ANKS1B: variants seen among roughly 807,000 people sequenced by gnomAD.
The protein encoded by ANKS1B is ankyrin repeat and sterile alpha motif domain containing 1B.
In ANKS1B, 36 loss-of-function variants were observed where a neutral mutation model predicts 148.3. That is an observed-to-expected ratio of 0.24 (90% confidence interval 0.19 to 0.32). The LOEUF (loss-of-function observed/expected upper bound fraction) is 0.32, where lower values mean the gene tolerates loss of function less well. ANKS1B is among the 10% of genes least tolerant of loss of function. The probability of loss-of-function intolerance (pLI) is 1.00; values close to 1 mark genes in which losing one functional copy is unlikely to be tolerated. For synonymous variants in ANKS1B, 542 were observed against 560.8 expected (o/e 0.97, Z 0.47); for missense variants, 1,157 against 1,542.6 (o/e 0.75, Z 4.19).
intron 17 of ANKS1B, among the ~76,000 whole-genome samples, chr12:98,907,296 A>G (rs992506598): frequency 6.6e-6 from 1 of 152,188 alleles, no homozygotes; most frequent in African/African-American, 2.4e-5. Flanking sequence ...TGTAATTCCA[A>G]ATAACTTTAA....
At chr12:99,649,308 T>G in intron 9 of ANKS1B, 1 of 1,614,118 alleles carries the variant, frequency 6.2e-7, no homozygotes, top group Non-Finnish European at 8.5e-7. Context: ...TGAAGTTTTG[T>G]GAAGAGAAGG....
At chr12:99,213,585 G>A (rs570220113) in intron 14 of ANKS1B, among the ~76,000 whole-genome samples, 3 of 152,340 alleles carry the variant, frequency 2.0e-5, no homozygotes, top group African/African-American at 7.2e-5. Flanking sequence ...ATGGGGATGT[G>A]TATATGGAGA....
At chr12:99,419,376 A>C (rs2095014761) in intron 11 of ANKS1B, among the ~76,000 whole-genome samples, 1 of 152,170 alleles carries the variant, frequency 6.6e-6, no homozygotes, top group African/African-American at 2.4e-5. Context: ...TAAGTTGTCA[A>C]ATTTATGTAT....
At chr12:99,349,505 T>TA (rs949625899) in intron 12 of ANKS1B, among the ~76,000 whole-genome samples, 1 of 150,622 alleles carries the variant, frequency 6.6e-6, no homozygotes, top group Non-Finnish European at 1.5e-5. Flanking sequence ...ATGCAAAGAG[T>TA]AAAAAAAGAA....
chr12:99,902,322 C>T lies in ANKS1B; in HGVS notation c.135-76933G>A, dbSNP rs148264759. On this transcript the variant is annotated intron_variant, in intron 1 of 26. Coordinates refer to ENST00000683438, the MANE Select transcript of ANKS1B (RefSeq NM_001352186.2). Reference sequence around the variant, plus strand: ...AAGAAAAGAGCTTGGCACAAAAGGACATCTAGATAACTGAAGCATGGCAAG... The same window carrying T: ...AAGAAAAGAGCTTGGCACAAAAGGATATCTAGATAACTGAAGCATGGCAAG... 4.3e-4 allele frequency among the ~76,000 whole-genome samples: 65 copies of T among 152,184 alleles called. 1 individual carries two copies. Among genetic ancestry groups the T allele is most frequent in the African/African-American group, 1.4e-3 (59 of 41,526 alleles).
intron 12 of ANKS1B, among the ~76,000 whole-genome samples, chr12:99,304,794 A>C (rs2082131960): frequency 6.6e-6 from 1 of 151,994 alleles, no homozygotes; most frequent in Admixed American, 6.6e-5. Context: ...AGTCCATTGT[A>C]ATTTGTTCAT....
chr12:98,930,775 CT>C (rs1209976775), intron 17 of ANKS1B, among the ~76,000 whole-genome samples: 1 of 151,754 alleles, frequency 6.6e-6, no homozygotes, highest in Non-Finnish European at 1.5e-5. Context: ...TATGGGGTGT[CT>C]TTTGGGGATG....
intron 15 of ANKS1B, among the ~76,000 whole-genome samples, chr12:99,145,791 A>G (rs142915463): frequency 2.6e-4 from 40 of 152,136 alleles, no homozygotes; most frequent in African/African-American, 8.4e-4. Flanking sequence ...TACTGAATTA[A>G]GCAGGGACTT....
intron 14 of ANKS1B, among the ~76,000 whole-genome samples, chr12:99,197,892 T>A (rs545428637): frequency 1.3e-5 from 2 of 152,288 alleles, no homozygotes; most frequent in South Asian, 4.1e-4. Flanking sequence ...AAGTCTATGG[T>A]AATTTGTCAC....
At chr12:99,308,710 T>C (rs1602670301) in intron 12 of ANKS1B, among the ~76,000 whole-genome samples, 1 of 151,844 alleles carries the variant, frequency 6.6e-6, no homozygotes, top group African/African-American at 2.4e-5. Context: ...ATGAATAACA[T>C]CTCTATGATA....
At chr12:99,481,983 G>T (rs1321707014) in intron 10 of ANKS1B, among the ~76,000 whole-genome samples, 1 of 151,922 alleles carries the variant, frequency 6.6e-6, no homozygotes, top group Non-Finnish European at 1.5e-5. Flanking sequence ...TCTGTGGGTT[G>T]ACTGTTTACT....
chr12:99,494,732 CAAA>C (rs59115173), intron 10 of ANKS1B, among the ~76,000 whole-genome samples: 135 of 55,970 alleles, frequency 2.4e-3, no homozygotes, highest in Admixed American at 3.4e-3. Context: ...CACTCTGTCT[CAAA>C]AAAAAAAAAA....
intron 9 of ANKS1B, among the ~76,000 whole-genome samples, chr12:99,600,559 G>A (rs894391856): frequency 6.6e-5 from 10 of 152,126 alleles, no homozygotes; most frequent in East Asian, 3.9e-4. Flanking sequence ...AGGTGCTTCC[G>A]TGGTCATCAA....
At position 99,679,139 on chromosome 12, in the gene ANKS1B, T is replaced by C. The variant is rs185129978; in HGVS notation, c.1129-23929A>G. 4.2e-3 allele frequency among the ~76,000 whole-genome samples: 640 copies of C among 152,284 alleles called. 3 individuals are homozygous for C. The highest frequency in any genetic ancestry group is 0.014 in the African/African-American group (567 of 41,562). The stretch of plus-strand genomic sequence containing the variant: ...ATAGGTATCAAGTACAGATTAAACA[T>C]TTGTAAGTTGGTGAATAATGGGATA... On this transcript the variant is annotated intron_variant, in intron 8 of 26. Transcript: ENST00000683438.
intron 26 of ANKS1B, among the ~76,000 whole-genome samples, chr12:98,748,043 T>A (rs61933560): frequency 0.11 from 16,344 of 152,204 alleles, 1,085 homozygotes; most frequent in South Asian, 0.21. Flanking sequence ...GATAGCACAG[T>A]AGGGTGACTG....
At chr12:98,842,684 C>G (rs895868786) in intron 17 of ANKS1B, among the ~76,000 whole-genome samples, 3 of 152,150 alleles carry the variant, frequency 2.0e-5, no homozygotes, top group Admixed American at 2.0e-4. Context: ...GTAATCCAGG[C>G]TGCTCGAGAA....
chr12:98,995,301 T>C (rs1214704659), intron 17 of ANKS1B, among the ~76,000 whole-genome samples: 1 of 152,100 alleles, frequency 6.6e-6, no homozygotes, highest in Non-Finnish European at 1.5e-5. Flanking sequence ...TTTAAAAATA[T>C]GGAAGCTGGC....
intron 14 of ANKS1B, among the ~76,000 whole-genome samples, chr12:99,174,699 C>A (rs1661077729): frequency 6.6e-6 from 1 of 152,102 alleles, no homozygotes; most frequent in Admixed American, 6.6e-5. Flanking sequence ...TTCCTAATAA[C>A]CTTTTTTGAG....
chr12:98,779,809 G>A (rs2098715937), intron 24 of ANKS1B, among the ~76,000 whole-genome samples: 1 of 152,160 alleles, frequency 6.6e-6, no homozygotes, highest in Non-Finnish European at 1.5e-5. Context: ...TCTTATTTGA[G>A]TCTCCACAAT....
Sources: allele counts gnomAD v4.1 joint callset (sites outside exome capture counted in the v4.1 genomes callset), GRCh38; gene constraint gnomAD v4.1.1; transcripts MANE v1.5; gene names NCBI Gene and HGNC (gene_info 2026-07-23, HGNC 2026-07-21).